The following CLIP4 variants were observed in gnomAD, a reference collection of about 807,000 sequenced individuals.
The protein encoded by CLIP4 is CAP-Gly domain-containing linker protein 4.
In CLIP4, 47 loss-of-function variants were observed where a neutral mutation model predicts 73.1. The ratio of observed to expected loss-of-function variants is 0.64; its 90% CI spans 0.51 to 0.82. CLIP4 has a LOEUF of 0.82. Ranked by LOEUF, CLIP4 falls within the 40% of genes least tolerant of loss-of-function variation. The pLI, the probability that CLIP4 is intolerant of heterozygous loss-of-function variation, is 0.00. For synonymous variants in CLIP4, 306 were observed against 295.4 expected (o/e 1.04, Z -0.37); for missense variants, 874 against 852.9 (o/e 1.02, Z -0.31).
Position 29,157,214 on chromosome 2 carries a change from TG to T in CLIP4, c.1268del (p.Gly423AspfsTer32), listed in dbSNP as rs780739460. 1 of 1,614,058 alleles carries T rather than the reference TG, an allele frequency of 6.2e-7. No homozygotes were observed. Among genetic ancestry groups the T allele is most frequent in the East Asian group, 2.2e-5 (1 of 44,878 alleles). The stretch of plus-strand genomic sequence containing the variant: ...CTTTATCTGTTACAGTTGCCCTGCT[TG>T]GATCTGTCAGCAGCTGCTCCTCTAC... ...TVTEKDVALL[G>X]SVSSCSSTSS... On this transcript the variant is annotated frameshift_variant, in exon 11 of 16. Transcript: ENST00000320081. LOFTEE classifies it high-confidence loss of function.
intron 15 of CLIP4, among the ~76,000 whole-genome samples, chr2:29,180,868 G>GTATA (rs370019820): frequency 7.4e-5 from 11 of 149,496 alleles, no homozygotes; most frequent in African/African-American, 1.2e-4. Flanking sequence ...GTGTACACAT[G>GTATA]TATATATATA....
chr2:29,144,798 C>CTTTTTTTTTTTTTT (rs34304199), intron 7 of CLIP4, among the ~76,000 whole-genome samples: 1 of 84,288 alleles, frequency 1.2e-5, no homozygotes, highest in Non-Finnish European at 2.2e-5. Flanking sequence ...AGTTATATCC[C>CTTTTTTTTTTTTTT]TTTTTTTTTT....
intron 2 of CLIP4, among the ~76,000 whole-genome samples, chr2:29,122,496 C>T (rs1664323960): frequency 6.6e-6 from 1 of 152,046 alleles, no homozygotes; most frequent in Non-Finnish European, 1.5e-5. Context: ...TATTGTAGCG[C>T]TTTGGGATGG....
chr2:29,139,559 T>C (rs1019389450), intron 6 of CLIP4, among the ~76,000 whole-genome samples: 2 of 152,160 alleles, frequency 1.3e-5, no homozygotes, highest in Admixed American at 6.5e-5. Context: ...AGGATTGTTA[T>C]CAGCTCCTCC....
At chr2:29,173,187 C>A (rs998264957) in intron 14 of CLIP4, among the ~76,000 whole-genome samples, 9 of 152,156 alleles carry the variant, frequency 5.9e-5, no homozygotes, top group African/African-American at 2.2e-4. Flanking sequence ...GGAGGCATTG[C>A]CAACCTGGGA....
intron 1 of CLIP4, among the ~76,000 whole-genome samples, chr2:29,118,932 T>C (rs1375189671): frequency 1.3e-5 from 2 of 152,196 alleles, no homozygotes; most frequent in Non-Finnish European, 2.9e-5. Context: ...CAGATCAGTA[T>C]ACTTAGACAT....
At chr2:29,157,681 T>A (rs1032203404) in intron 11 of CLIP4, among the ~76,000 whole-genome samples, 1 of 152,246 alleles carries the variant, frequency 6.6e-6, no homozygotes. Context: ...AAACTATGTT[T>A]GCTTAAAACC....
intron 5 of CLIP4, among the ~76,000 whole-genome samples, chr2:29,134,992 A>C (rs559550714): frequency 1.1e-4 from 16 of 152,206 alleles, no homozygotes; most frequent in African/African-American, 3.6e-4. Flanking sequence ...AGGGCCAGCT[A>C]CTAAATACTT....
intron 6 of CLIP4, 40 bp from the exon 7 acceptor site, chr2:29,143,669 A>T: frequency 7.6e-7 from 1 of 1,318,400 alleles, no homozygotes; most frequent in South Asian, 1.2e-5. Context: ...CTAGTGCTCT[A>T]AGTAAGAGTT....
At chr2:29,164,287 C>T (rs1667467700) in intron 13 of CLIP4, among the ~76,000 whole-genome samples, 1 of 152,216 alleles carries the variant, frequency 6.6e-6, no homozygotes. Context: ...CTGATTGCTT[C>T]AGTCACATCC....
chr2:29,104,507 G>A (rs974384347), intron 1 of CLIP4, among the ~76,000 whole-genome samples: 8 of 151,734 alleles, frequency 5.3e-5, no homozygotes, highest in Non-Finnish European at 2.9e-5. Context: ...GGCTGGTCTC[G>A]AACTCCTGTG....
intron 3 of CLIP4, 154 bp downstream of exon 3, chr2:29,131,551 T>C: frequency 7.0e-6 from 5 of 709,794 alleles, no homozygotes; most frequent in Non-Finnish European, 8.9e-6. Context: ...GGGCAGTGAG[T>C]TAATACTATA....
At chr2:29,147,021 G>A (rs1342457693) in intron 8 of CLIP4, among the ~76,000 whole-genome samples, 1 of 152,088 alleles carries the variant, frequency 6.6e-6, no homozygotes, top group Non-Finnish European at 1.5e-5. Context: ...AATGCTGATT[G>A]TATAAGATTT....
chr2:29,110,728 C>A (rs534067221), upstream of CLIP4, among the ~76,000 whole-genome samples: 55 of 152,052 alleles, frequency 3.6e-4, no homozygotes, highest in African/African-American at 1.2e-3. Flanking sequence ...TCACTCTGTC[C>A]CCTAGGCTGG....
chr2:29,106,115 C>A (rs908187898), intron 1 of CLIP4, among the ~76,000 whole-genome samples: 1 of 149,984 alleles, frequency 6.7e-6, no homozygotes, highest in Non-Finnish European at 1.5e-5. Context: ...AGGCTGAAAT[C>A]TTGGTTCTTC....
intron 15 of CLIP4, among the ~76,000 whole-genome samples, chr2:29,177,503 C>T (rs2148115735): frequency 6.6e-6 from 1 of 151,986 alleles, no homozygotes; most frequent in Non-Finnish European, 1.5e-5. Context: ...ATCACTTGAA[C>T]CTGGGGGGCA....
At chr2:29,140,387 T>C (rs1447393793) in intron 6 of CLIP4, among the ~76,000 whole-genome samples, 1 of 152,144 alleles carries the variant, frequency 6.6e-6, no homozygotes, top group Admixed American at 6.5e-5. Flanking sequence ...ATTTCATCCA[T>C]GTCCCTACAA....
intron 12 of CLIP4, among the ~76,000 whole-genome samples, chr2:29,161,415 A>T (rs1667282365): frequency 6.6e-6 from 1 of 152,092 alleles, no homozygotes; most frequent in Admixed American, 6.5e-5. Context: ...GTTATCTAGA[A>T]CATTGATTAA....
rs754216386 is a variant in CLIP4, at chr2:29,181,644, GCACGAGGGGTCTCAGGTCCTGCT to G, written c.1876_1898del (p.Gly626LeufsTer3). On this transcript the variant is annotated frameshift_variant, in exon 16 of 16. Transcript: ENST00000320081. LOFTEE classifies it high-confidence loss of function. ...GTGGCATTGAAGGGAGCGTGAAGCT[GCACGAGGGGTCTCAGGTCCTGCT>G]CACGAGCTCCAATGAGATGGGTACT... 1 of 1,614,200 alleles carries G rather than the reference GCACGAGGGGTCTCAGGTCCTGCT, an allele frequency of 6.2e-7. No homozygotes were observed. Among genetic ancestry groups the G allele is most frequent in the South Asian group, 1.1e-5 (1 of 91,080 alleles).
Sources: allele counts gnomAD v4.1 joint callset (sites outside exome capture counted in the v4.1 genomes callset), GRCh38; gene constraint gnomAD v4.1.1; transcripts MANE v1.5; gene names NCBI Gene and HGNC (gene_info 2026-07-23, HGNC 2026-07-21).